The following DOCK11 variants were observed in gnomAD, a reference collection of about 807,000 sequenced individuals.
DOCK11 encodes dedicator of cytokinesis 11, also known as dedicator of cytokinesis protein 11.
A neutral mutation model predicts 169.1 loss-of-function variants in DOCK11; 70 were observed. The observed-to-expected ratio is 0.41, with a 90% confidence interval of 0.34 to 0.51. The LOEUF (loss-of-function observed/expected upper bound fraction) is 0.51. DOCK11 is among the 20% of genes least tolerant of loss of function. The pLI is 0.10. For missense variants in DOCK11, 1,166 were observed against 1,538.8 expected (o/e 0.76, Z 4.05); for synonymous variants, 529 against 541.3 (o/e 0.98, Z 0.32).
intron 1 of DOCK11, among the ~76,000 whole-genome samples, chrX:118,518,908 C>T (rs1164723108): frequency 9.0e-6 from 1 of 111,432 alleles, no homozygotes; most frequent in African/African-American, 3.3e-5. Flanking sequence ...ATAATTTCTG[C>T]TTAATTTTGC....
chrX:118,574,664 G>T (rs1192221717), intron 12 of DOCK11, among the ~76,000 whole-genome samples: 1 of 111,904 alleles, frequency 8.9e-6, no homozygotes, highest in African/African-American at 3.2e-5. Flanking sequence ...GAAAGTTTTG[G>T]TTTTTAAGAA....
In DOCK11 at chrX:118,631,807, A is replaced by G. The variant is rs900254735; in HGVS notation, c.3886+1317A>G. On this transcript the variant is annotated intron_variant, in intron 35 of 52. Transcript: ENST00000276202. ...AGAATGAGGGAAAGAGAGAGAAGGT[A>G]GGAGGAGGGGAAAAGCTGCATTGCT... Among the ~76,000 whole-genome samples, 5 of 111,271 alleles carry G rather than the reference A, an allele frequency of 4.5e-5. 1 individual carries two copies. The highest frequency in any genetic ancestry group is 1.6e-4 in the African/African-American group (5 of 30,573).
chrX:118,676,906 C>A (rs1018125342), intron 48 of DOCK11, among the ~76,000 whole-genome samples, 169 bp downstream of exon 48: 1 of 111,444 alleles, frequency 9.0e-6, no homozygotes, highest in Non-Finnish European at 1.9e-5. Context: ...CTTCAAATCT[C>A]TACTCTCTGC....
chrX:118,656,861 G>T (rs1603169381), intron 44 of DOCK11, among the ~76,000 whole-genome samples: 1 of 111,142 alleles, frequency 9.0e-6, no homozygotes, highest in Admixed American at 9.6e-5. Context: ...GAACCCAGGA[G>T]GCGGAGGTTG....
chrX:118,544,827 A>ATT (rs746896166), intron 4 of DOCK11, among the ~76,000 whole-genome samples: 1 of 93,370 alleles, frequency 1.1e-5, no homozygotes, highest in African/African-American at 3.9e-5. Flanking sequence ...CCCCCAGTTA[A>ATT]TTTTTTTTTT....
chrX:118,608,069 C>G lies in DOCK11; in HGVS notation c.2682-3C>G. 8.4e-7 allele frequency: 1 copy of G among 1,189,670 alleles called. No individual in the cohort carries two copies. Among genetic ancestry groups the G allele is most frequent in the Non-Finnish European group, 1.1e-6 (1 of 884,658 alleles). ...ATGCTGACTCTTGTGAATGTCGTTTCAGGGTTCTCTTACATATTGTATCAA... is the reference window on the plus strand; with the variant it reads ...ATGCTGACTCTTGTGAATGTCGTTTGAGGGTTCTCTTACATATTGTATCAA... On this transcript the variant is annotated splice_polypyrimidine_tract_variant and splice_region_variant and intron_variant, in intron 24 of 52. Transcript: ENST00000276202.
chrX:118,568,110 T>G lies in DOCK11; in HGVS notation c.983T>G (p.Leu328Arg). The stretch of plus-strand genomic sequence containing the variant: ...AGAGAAACTGAACAACTAAACAAAC[T>G]CAGTAGAGGAGATGGAAGACAGAAT... ...YGRETEQLNK[L>R]SRGDGRQNLF... Residue 328 changes from leucine to arginine, a missense_variant, in exon 10 of 53, where the codon CTC (leucine) becomes CGC (arginine). Leu to Arg is a moderately radical substitution (Grantham distance 102). Coordinates refer to ENST00000276202, the MANE Select transcript of DOCK11 (RefSeq NM_144658.4). 1 of 1,160,169 alleles carries G rather than the reference T, an allele frequency of 8.6e-7. No individual in the cohort carries two copies. Among genetic ancestry groups the G allele is most frequent in the Non-Finnish European group, 1.2e-6 (1 of 869,089 alleles).
chrX:118,650,283 G>A (rs1390995639), intron 41 of DOCK11, among the ~76,000 whole-genome samples: 3 of 112,169 alleles, frequency 2.7e-5, no homozygotes, highest in African/African-American at 6.5e-5. Flanking sequence ...TGTAGCACAA[G>A]ATAGATACTT....
intron 39 of DOCK11, among the ~76,000 whole-genome samples, chrX:118,642,886 T>C (rs2015566788): frequency 9.0e-6 from 1 of 111,594 alleles, no homozygotes; most frequent in Non-Finnish European, 1.9e-5. Flanking sequence ...GGTATTTCTC[T>C]ACAATTTGTT....
At chrX:118,607,512 C>T (rs1320413444) in intron 24 of DOCK11, among the ~76,000 whole-genome samples, 2 of 101,991 alleles carry the variant, frequency 2.0e-5, no homozygotes, top group African/African-American at 7.2e-5. Context: ...AGCTCCGCCT[C>T]CTGGGTTCAC....
chrX:118,643,425 G>C, intron 39 of DOCK11, 32 bp from the exon 40 acceptor site: 1 of 1,172,355 alleles, frequency 8.5e-7, no homozygotes, highest in Non-Finnish European at 1.1e-6. Flanking sequence ...ATTCTCAGTG[G>C]GGCATAAACC....
chrX:118,660,521 C>T (rs1239256957), intron 44 of DOCK11, among the ~76,000 whole-genome samples: 2 of 110,781 alleles, frequency 1.8e-5, no homozygotes, highest in Admixed American at 9.6e-5. Flanking sequence ...GGCTGGAGTG[C>T]AGTGGTGATC....
At chrX:118,513,568 C>T (rs1056639491) in intron 1 of DOCK11, among the ~76,000 whole-genome samples, 3 of 111,969 alleles carry the variant, frequency 2.7e-5, no homozygotes, top group Non-Finnish European at 5.6e-5. Flanking sequence ...ACTATGATTA[C>T]ACCATTGTAC....
In DOCK11 at chrX:118,636,404, A is replaced by G. The variant is rs1569436888; in HGVS notation, c.3945A>G (p.Ile1315Met). ...VSPQELINIL[I>M]LLEVCLFHFR... ...CTCAGGAGCTCATAAACATTCTTAT[A>G]CTTTTAGAGTAAGTTATATTAATTT... The change falls in exon 36 of 53, where the codon ATA becomes ATG. Residue 1315 changes from isoleucine (I) to methionine (M), a missense_variant. Transcript: ENST00000276202. 1 of 1,025,972 alleles carries G rather than the reference A, an allele frequency of 9.7e-7. No homozygotes were observed. Among genetic ancestry groups the G allele is most frequent in the Admixed American group, 2.6e-5 (1 of 39,060 alleles). 84.6% of individuals were successfully genotyped at this position (1,025,972 alleles called of 1,213,427 possible).
At chrX:118,587,689 T>C (rs764543836) in intron 16 of DOCK11, among the ~76,000 whole-genome samples, 47 of 111,763 alleles carry the variant, frequency 4.2e-4, no homozygotes, top group African/African-American at 1.5e-3. Context: ...TAGGTGAAAA[T>C]TTGCACCTGT....
chrX:118,584,974 A>G (rs1297481583), intron 15 of DOCK11, 67 bp from the exon 16 acceptor site: 38 of 1,133,123 alleles, frequency 3.4e-5, no homozygotes, highest in Non-Finnish European at 4.6e-5. Context: ...GTAAGTTTGG[A>G]TAGAGGGTAA....
rs933104208 is a variant in DOCK11, at chrX:118,588,311, C to T, written c.1970C>T (p.Thr657Ile). 8.5e-7 allele frequency: 1 copy of T among 1,172,971 alleles called. No individual in the cohort carries two copies. The highest frequency in any genetic ancestry group is 1.1e-6 in the Non-Finnish European group (1 of 877,998). ...CAATTAAAATACGATAGCCAGAAAA[C>T]ATTTGCCAAGGTAACCATGTAAACT... ...PLQLKYDSQK[T>I]FAKARNIAVC... is the part of the protein sequence containing the mutation. Residue 657 changes from threonine to isoleucine, a missense_variant, in exon 17 of 53, where the codon ACA becomes ATA. Transcript: ENST00000276202.
chrX:118,567,317 A>C (rs2013110907), intron 9 of DOCK11, among the ~76,000 whole-genome samples: 1 of 110,845 alleles, frequency 9.0e-6, no homozygotes, highest in African/African-American at 3.3e-5. Flanking sequence ...TACTGGACAA[A>C]TTAGTTACAC....
intron 23 of DOCK11, among the ~76,000 whole-genome samples, chrX:118,600,683 A>G (rs2014310171): frequency 9.0e-6 from 1 of 111,317 alleles, no homozygotes. Flanking sequence ...AGGGATTTAC[A>G]AGGGGTCCCT....
Sources: allele counts gnomAD v4.1 joint callset (sites outside exome capture counted in the v4.1 genomes callset), GRCh38; gene constraint gnomAD v4.1.1; transcripts MANE v1.5; gene names NCBI Gene and HGNC (gene_info 2026-07-23, HGNC 2026-07-21).